GTF2E2: variants seen among roughly 807,000 people sequenced by gnomAD.
GTF2E2 encodes the protein general transcription factor IIE subunit 2, also known as transcription initiation factor IIE subunit beta.
In GTF2E2, 21 loss-of-function variants were observed where a neutral mutation model predicts 40.5. The ratio of observed to expected loss-of-function variants is 0.52; its 90% CI spans 0.37 to 0.75. The LOEUF is 0.75. GTF2E2 is among the 30% of genes least tolerant of loss of function. The pLI is 0.00. For synonymous variants in GTF2E2, 117 were observed against 121.6 expected (o/e 0.96, Z 0.25); for missense variants, 298 against 338.4 (o/e 0.88, Z 0.94).
chr8:30,653,649 A>G, intron 1 of GTF2E2, 47 bp from the exon 2 acceptor site: 6 of 1,339,024 alleles, frequency 4.5e-6, no homozygotes, highest in Non-Finnish European at 6.3e-6. Context: ...AAGTCACTCA[A>G]ACCTGCACTC....
intron 6 of GTF2E2, among the ~76,000 whole-genome samples, chr8:30,592,938 C>T (rs751638923): frequency 9.2e-5 from 14 of 152,168 alleles, no homozygotes; most frequent in South Asian, 4.1e-4. Flanking sequence ...CAGTGGCTCA[C>T]GCATGTAATC....
intron 6 of GTF2E2, among the ~76,000 whole-genome samples, chr8:30,606,506 C>G (rs920264199): frequency 8.5e-5 from 13 of 152,064 alleles, no homozygotes; most frequent in Non-Finnish European, 1.9e-4. Flanking sequence ...ATCACTAAAC[C>G]CTTGTTTAAT....
At chr8:30,624,872 T>C (rs1349110310) in intron 3 of GTF2E2, among the ~76,000 whole-genome samples, 2 of 152,036 alleles carry the variant, frequency 1.3e-5, no homozygotes, top group Non-Finnish European at 2.9e-5. Flanking sequence ...TCCTGAGACT[T>C]TGCTGAAGTT....
chr8:30,624,425 T>C (rs919775430), intron 3 of GTF2E2, among the ~76,000 whole-genome samples: 2 of 152,156 alleles, frequency 1.3e-5, no homozygotes, highest in African/African-American at 2.4e-5. Flanking sequence ...CCTTGTAGTA[T>C]AGTTTGAAGT....
chr8:30,650,857 C>CA (rs1242660947), intron 2 of GTF2E2, among the ~76,000 whole-genome samples: 5 of 151,950 alleles, frequency 3.3e-5, no homozygotes, highest in African/African-American at 7.3e-5. Context: ...ACTAAAAAGA[C>CA]AAAAAAATTA....
chr8:30,655,336 TC>T (rs1802418942), intron 1 of GTF2E2, among the ~76,000 whole-genome samples: 1 of 152,134 alleles, frequency 6.6e-6, no homozygotes, highest in Non-Finnish European at 1.5e-5. Context: ...AAGCTACAGG[TC>T]AACCAACAAG....
intron 3 of GTF2E2, among the ~76,000 whole-genome samples, chr8:30,629,565 T>C (rs1343255676): frequency 6.6e-6 from 1 of 151,784 alleles, no homozygotes; most frequent in Admixed American, 6.6e-5. Context: ...GGCAGGCGCC[T>C]GTAGTCCCAG....
chr8:30,603,832 G>A (rs913675417), intron 6 of GTF2E2, among the ~76,000 whole-genome samples: 2 of 151,886 alleles, frequency 1.3e-5, no homozygotes, highest in Admixed American at 6.6e-5. Context: ...AAGAAATAAG[G>A]AAAGAACAAA....
At chr8:30,608,489 T>G (rs1161409627) in intron 5 of GTF2E2, among the ~76,000 whole-genome samples, 1 of 152,196 alleles carries the variant, frequency 6.6e-6, no homozygotes, top group Admixed American at 6.5e-5. Flanking sequence ...ATAAAGCTGT[T>G]TTCATCATCC....
At chr8:30,599,352 A>C (rs967387507) in intron 6 of GTF2E2, among the ~76,000 whole-genome samples, 4 of 152,118 alleles carry the variant, frequency 2.6e-5, no homozygotes, top group African/African-American at 9.7e-5. Context: ...TGAGGCAGGC[A>C]AATCACTTGA....
intron 2 of GTF2E2, chr8:30,645,825 C>T: frequency 2.3e-6 from 1 of 439,646 alleles, no homozygotes; most frequent in Non-Finnish European, 4.0e-6. Flanking sequence ...CTGTTTAATA[C>T]TGACACTTCA....
chr8:30,582,062 A>G (rs1201346286), intron 6 of GTF2E2, among the ~76,000 whole-genome samples: 1 of 152,166 alleles, frequency 6.6e-6, no homozygotes, highest in Non-Finnish European at 1.5e-5. Flanking sequence ...CCCAAACTGG[A>G]AAGCAGTGGC....
chr8:30,622,774 A>C (rs1340851546), intron 3 of GTF2E2, among the ~76,000 whole-genome samples: 1 of 151,990 alleles, frequency 6.6e-6, no homozygotes, highest in Admixed American at 6.5e-5. Flanking sequence ...GAATTCAGCG[A>C]TATTTCTCCC....
chr8:30,586,785 C>T (rs778641892), intron 6 of GTF2E2, among the ~76,000 whole-genome samples: 17 of 152,088 alleles, frequency 1.1e-4, no homozygotes, highest in East Asian at 3.9e-4. Context: ...TAAAGGGTGT[C>T]GGGAAAACTG....
chr8:30,607,151 C>A lies in GTF2E2; in HGVS notation c.550-1G>T. Reference sequence around the variant, plus strand: ...CAAATAGTATCTGGTCCCCCAAAGCCTTAAAGATAGATAAAATAAAGATTT... The same window carrying A: ...CAAATAGTATCTGGTCCCCCAAAGCATTAAAGATAGATAAAATAAAGATTT... On this transcript the variant is annotated splice_acceptor_variant, in intron 5 of 7. Coordinates refer to ENST00000355904, the MANE Select transcript of GTF2E2 (RefSeq NM_002095.6). LOFTEE classifies it high-confidence loss of function. 1 of 1,214,204 alleles carries A rather than the reference C, an allele frequency of 8.2e-7. No homozygotes were observed. The highest frequency in any genetic ancestry group is 1.2e-6 in the Non-Finnish European group (1 of 851,392). The allele number at this position is 1,214,204 out of a possible 1,614,324, so 75.2% of individuals were successfully genotyped here.
chr8:30,629,376 T>A (rs889964024), intron 3 of GTF2E2, among the ~76,000 whole-genome samples: 1 of 152,114 alleles, frequency 6.6e-6, no homozygotes, highest in African/African-American at 2.4e-5. Context: ...AACTTCAGCA[T>A]GTATCACAAT....
At chr8:30,583,963 G>A (rs999729722) in intron 6 of GTF2E2, among the ~76,000 whole-genome samples, 8 of 147,834 alleles carry the variant, frequency 5.4e-5, no homozygotes, top group South Asian at 4.2e-4. Context: ...CAGCCACCAC[G>A]CCCAGTTAAC....
At chr8:30,634,692 G>C (rs532695205) in intron 3 of GTF2E2, among the ~76,000 whole-genome samples, 33 of 152,202 alleles carry the variant, frequency 2.2e-4, no homozygotes, top group African/African-American at 7.7e-4. Context: ...GTAATAACCT[G>C]AAAAATCAAT....
chr8:30,635,219 G>GTT (rs1387682573), intron 2 of GTF2E2, 96 bp from the exon 3 acceptor site: 5 of 680,386 alleles, frequency 7.3e-6, no homozygotes, highest in Non-Finnish European at 1.3e-5. Context: ...TATTTCTTGA[G>GTT]TTTTTCATCT....
Sources: allele counts gnomAD v4.1 joint callset (sites outside exome capture counted in the v4.1 genomes callset), GRCh38; gene constraint gnomAD v4.1.1; transcripts MANE v1.5; gene names NCBI Gene and HGNC (gene_info 2026-07-23, HGNC 2026-07-21).